The following OSBPL8 variants were observed in gnomAD, a reference collection of about 807,000 sequenced individuals.
OSBPL8 encodes the protein oxysterol binding protein like 8, also known as oxysterol-binding protein-related protein 8.
A neutral mutation model predicts 125.5 loss-of-function variants in OSBPL8; 59 were observed. The observed-to-expected ratio is 0.47, with a 90% confidence interval of 0.38 to 0.58. The LOEUF (loss-of-function observed/expected upper bound fraction) is 0.58. Among genes scored for constraint, OSBPL8 ranks in the 20% least tolerant of loss-of-function variants. The pLI is 0.00. For missense variants in OSBPL8, 758 were observed against 1,047.8 expected, an observed-to-expected ratio of 0.72 and a Z score of 3.82; for synonymous variants, 330 against 338.9, an observed-to-expected ratio of 0.97 and a Z score of 0.29.
chr12:76,433,730 T>C (rs1017480452), intron 4 of OSBPL8, among the ~76,000 whole-genome samples: 1 of 152,100 alleles, frequency 6.6e-6, no homozygotes, highest in Non-Finnish European at 1.5e-5. Context: ...ATCCCAGCAC[T>C]TTGGGAGGCC....
At chr12:76,523,984 T>C (rs1394748353) in intron 1 of OSBPL8, among the ~76,000 whole-genome samples, 5 of 152,018 alleles carry the variant, frequency 3.3e-5, no homozygotes, top group Non-Finnish European at 7.4e-5. Context: ...TATAAAACAA[T>C]ATGGAAAAGA....
At chr12:76,519,018 C>T in intron 1 of OSBPL8, among the ~76,000 whole-genome samples, 1 of 152,202 alleles carries the variant, frequency 6.6e-6, no homozygotes. Flanking sequence ...CAAGTGGTTG[C>T]TCCACTGCCT....
At chr12:76,408,534 G>T (rs1316084879) in intron 5 of OSBPL8, among the ~76,000 whole-genome samples, 37 of 151,210 alleles carry the variant, frequency 2.4e-4, no homozygotes, top group Admixed American at 2.3e-3. Context: ...TAGGTAATAG[G>T]AGAGTCAAGA....
chr12:76,389,135 C>T lies in OSBPL8; in HGVS notation c.1352+510G>A, dbSNP rs545920239. Reference sequence around the variant, plus strand: ...TTTAGGTGTGCCTTCTTCAAAATTACACCCAGGATCAGCTGGCGGCTTCAG... The same window carrying T: ...TTTAGGTGTGCCTTCTTCAAAATTATACCCAGGATCAGCTGGCGGCTTCAG... On this transcript the variant is annotated intron_variant, in intron 12 of 23. Transcript: ENST00000261183. Among the ~76,000 whole-genome samples the T allele has an allele frequency of 5.3e-5, 8 of 152,260 alleles. No homozygotes were observed. In the South Asian group the frequency reaches 1.5e-3, roughly 28 times the overall value.
At chr12:76,398,046 C>A (rs1953888141) in intron 7 of OSBPL8, 149 bp from the exon 8 acceptor site, 2 of 699,848 alleles carry the variant, frequency 2.9e-6, no homozygotes, top group East Asian at 2.7e-5. Context: ...GCAAGCACAG[C>A]AAACAGACAT....
At chr12:76,496,279 T>G (rs1479117805) in intron 1 of OSBPL8, among the ~76,000 whole-genome samples, 1 of 152,148 alleles carries the variant, frequency 6.6e-6, no homozygotes, top group Non-Finnish European at 1.5e-5. Context: ...TTGTTACTTC[T>G]TCTTGACCCT....
intron 4 of OSBPL8, among the ~76,000 whole-genome samples, chr12:76,436,337 G>A (rs1248305780): frequency 6.6e-6 from 1 of 151,966 alleles, no homozygotes; most frequent in Non-Finnish European, 1.5e-5. Context: ...CTAACTTCAT[G>A]GTTCATTACT....
chr12:76,500,021 A>G (rs527907047), intron 1 of OSBPL8, among the ~76,000 whole-genome samples: 1 of 152,190 alleles, frequency 6.6e-6, no homozygotes, highest in East Asian at 1.9e-4. Context: ...CATTTCCTCT[A>G]TCTTTGCCCC....
chr12:76,434,855 G>GT (rs1393785218), intron 4 of OSBPL8, among the ~76,000 whole-genome samples: 1 of 152,032 alleles, frequency 6.6e-6, no homozygotes, highest in Non-Finnish European at 1.5e-5. Context: ...TCAATAAAAC[G>GT]TAAGTTAACT....
intron 9 of OSBPL8, 43 bp downstream of exon 9, chr12:76,394,602 A>G (rs1403570397): frequency 6.7e-7 from 1 of 1,481,742 alleles, no homozygotes; most frequent in East Asian, 2.3e-5. Context: ...AAAAACTCTT[A>G]AAAATGAAGA....
At chr12:76,465,924 T>C (rs1875366966) in intron 2 of OSBPL8, among the ~76,000 whole-genome samples, 1 of 152,016 alleles carries the variant, frequency 6.6e-6, no homozygotes, top group Non-Finnish European at 1.5e-5. Flanking sequence ...GAGAATTTCT[T>C]GAACCCGGGA....
At chr12:76,429,630 C>A (rs1870572895) in intron 4 of OSBPL8, among the ~76,000 whole-genome samples, 1 of 152,084 alleles carries the variant, frequency 6.6e-6, no homozygotes, top group Non-Finnish European at 1.5e-5. Context: ...TTATAATTTT[C>A]ATGAGTGTTT....
intron 1 of OSBPL8, among the ~76,000 whole-genome samples, chr12:76,553,120 C>T (rs1367718550): frequency 6.6e-6 from 1 of 152,274 alleles, no homozygotes; most frequent in African/African-American, 2.4e-5. Flanking sequence ...CATTACTCTA[C>T]CCGGTAATAA....
chr12:76,383,698 T>A (rs2136257482), intron 15 of OSBPL8, among the ~76,000 whole-genome samples: 1 of 152,356 alleles, frequency 6.6e-6, no homozygotes, highest in South Asian at 2.1e-4. Context: ...ATTTTAAGGT[T>A]AGATATGTTT....
At position 76,419,551 on chromosome 12, in the gene OSBPL8, A is replaced by G. The variant is rs192500842; in HGVS notation, c.218-8917T>C. ...CATTGGGCACAATACTTAACTTCCA[A>G]TGGTTCAGTTTCTCCAATGGGGAAA... is the stretch of plus-strand genomic sequence containing the variant. On this transcript the variant is annotated intron_variant, in intron 4 of 23. Coordinates refer to ENST00000261183, the MANE Select transcript of OSBPL8 (RefSeq NM_020841.5). Among the ~76,000 whole-genome samples the G allele has an allele frequency of 1.4e-3, 208 of 152,318 alleles. 3 individuals are homozygous for G. The highest frequency in any genetic ancestry group is 0.012 in the Admixed American group (182 of 15,298).
At chr12:76,361,554 A>C (rs1227813279) in intron 21 of OSBPL8, among the ~76,000 whole-genome samples, 1 of 152,090 alleles carries the variant, frequency 6.6e-6, no homozygotes, top group Non-Finnish European at 1.5e-5. Context: ...ACTCTAATTT[A>C]CTATATTAGT....
chr12:76,543,951 CTTCT>C (rs776179292), intron 1 of OSBPL8, among the ~76,000 whole-genome samples: 1 of 152,110 alleles, frequency 6.6e-6, no homozygotes, highest in Non-Finnish European at 1.5e-5. Context: ...AGATTTTGAT[CTTCT>C]TTAACATACG....
At chr12:76,455,160 G>A (rs567116975) in intron 3 of OSBPL8, among the ~76,000 whole-genome samples, 32 of 151,824 alleles carry the variant, frequency 2.1e-4, no homozygotes, top group African/African-American at 6.8e-4. Flanking sequence ...AGAGAATGGC[G>A]TGAACCCGGG....
chr12:76,387,554 T>C (rs1953368816), intron 12 of OSBPL8, among the ~76,000 whole-genome samples: 1 of 152,192 alleles, frequency 6.6e-6, no homozygotes, highest in Non-Finnish European at 1.5e-5. Flanking sequence ...TGATTGTGTA[T>C]GTCTGAAGTA....
Sources: gnomAD v4.1 joint callset for allele counts (sites outside exome capture counted in the v4.1 genomes callset) on GRCh38, gnomAD v4.1.1 for gene constraint, MANE v1.5 for transcripts, NCBI Gene and HGNC (gene_info 2026-07-23, HGNC 2026-07-21) for gene names.